The following SMYD3 variants were observed in gnomAD, a reference collection of about 807,000 sequenced individuals.
The protein encoded by SMYD3 is histone-lysine N-methyltransferase SMYD3.
SMYD3 carries 36 observed loss-of-function variants against 57.7 expected under a neutral mutation model. That is an observed-to-expected ratio of 0.62 (90% CI 0.48 to 0.82). The LOEUF is 0.82. SMYD3 is among the 40% of genes least tolerant of loss of function. The pLI, the probability that SMYD3 is intolerant of heterozygous loss-of-function variation, is 0.00. For synonymous variants in SMYD3, 211 were observed against 195.0 expected, an observed-to-expected ratio of 1.08 and a Z score of -0.68; for missense variants, 515 against 538.8, an observed-to-expected ratio of 0.96 and a Z score of 0.44.
chr1:246,266,458 G>A (rs2064109334), intron 5 of SMYD3, among the ~76,000 whole-genome samples: 2 of 152,058 alleles, frequency 1.3e-5, no homozygotes, highest in Admixed American at 1.3e-4. Flanking sequence ...TGCCGATAGT[G>A]AAGTCTTATT....
intron 5 of SMYD3, among the ~76,000 whole-genome samples, chr1:246,046,394 A>C (rs2059964868): frequency 6.6e-6 from 1 of 152,042 alleles, no homozygotes; most frequent in Non-Finnish European, 1.5e-5. Flanking sequence ...CAAACACAGC[A>C]TGTTCTCACT....
chr1:245,967,862 A>T (rs918674167), intron 5 of SMYD3, among the ~76,000 whole-genome samples: 1 of 152,244 alleles, frequency 6.6e-6, no homozygotes, highest in Non-Finnish European at 1.5e-5. Flanking sequence ...GGCAACAGGC[A>T]GGAGAGTGGC....
chr1:246,300,704 C>G (rs558680755), intron 5 of SMYD3, among the ~76,000 whole-genome samples: 1 of 152,114 alleles, frequency 6.6e-6, no homozygotes, highest in South Asian at 2.1e-4. Context: ...AGTCTTGTCT[C>G]CTGGAATACA....
At chr1:245,853,773 A>C (rs556964513) in intron 10 of SMYD3, among the ~76,000 whole-genome samples, 2 of 152,334 alleles carry the variant, frequency 1.3e-5, no homozygotes, top group East Asian at 3.9e-4. Flanking sequence ...CTGCTATGTA[A>C]TTAACTGACA....
intron 10 of SMYD3, among the ~76,000 whole-genome samples, chr1:245,842,208 T>C (rs894130726): frequency 6.6e-6 from 1 of 152,210 alleles, no homozygotes; most frequent in Non-Finnish European, 1.5e-5. Flanking sequence ...TGCATGACTA[T>C]ATTCAGAAAA....
chr1:246,201,205 G>A (rs2062918715), intron 5 of SMYD3, among the ~76,000 whole-genome samples: 1 of 152,136 alleles, frequency 6.6e-6, no homozygotes, highest in Non-Finnish European at 1.5e-5. Flanking sequence ...CTCTAAGTAA[G>A]TCTATCAGTC....
intron 11 of SMYD3, among the ~76,000 whole-genome samples, chr1:245,758,604 G>A (rs2045708888): frequency 6.6e-6 from 1 of 151,904 alleles, no homozygotes; most frequent in South Asian, 2.1e-4. Flanking sequence ...CTGTTGTGGA[G>A]CTCCCTTCTG....
chr1:246,416,614 TAAAG>T (rs2067066018), intron 1 of SMYD3, among the ~76,000 whole-genome samples: 1 of 141,034 alleles, frequency 7.1e-6, no homozygotes, highest in Non-Finnish European at 1.6e-5. Flanking sequence ...AGGGGGAAAA[TAAAG>T]AATTCATTTT....
At chr1:246,233,921 A>G (rs12749462) in intron 5 of SMYD3, among the ~76,000 whole-genome samples, 6,482 of 104,396 alleles carry the variant, frequency 0.062, 138 homozygotes, top group East Asian at 0.22. Context: ...CAGAGGAGAA[A>G]CGCTCCTTCA....
intron 1 of SMYD3, among the ~76,000 whole-genome samples, chr1:246,390,832 G>A (rs1156269028): frequency 6.6e-6 from 1 of 151,972 alleles, no homozygotes; most frequent in Non-Finnish European, 1.5e-5. Context: ...TACTGCAGTG[G>A]GCAGTACAGC....
At chr1:246,198,755 A>G (rs1303272473) in intron 5 of SMYD3, among the ~76,000 whole-genome samples, 1 of 152,216 alleles carries the variant, frequency 6.6e-6, no homozygotes, top group Non-Finnish European at 1.5e-5. Flanking sequence ...ATGAACAATC[A>G]AAGGTCACGA....
At chr1:245,912,734 G>A (rs1572667170) in intron 8 of SMYD3, among the ~76,000 whole-genome samples, 1 of 152,172 alleles carries the variant, frequency 6.6e-6, no homozygotes, top group South Asian at 2.1e-4. Context: ...GTCAACAAAG[G>A]CACCAAGAAC....
At chr1:246,344,805 T>A (rs1173605743) in intron 2 of SMYD3, among the ~76,000 whole-genome samples, 4 of 152,208 alleles carry the variant, frequency 2.6e-5, no homozygotes, top group Non-Finnish European at 5.9e-5. Context: ...TGGTTTTAAT[T>A]TTCATTTATC....
At chr1:245,865,173 C>T (rs964690220) in intron 8 of SMYD3, among the ~76,000 whole-genome samples, 5 of 152,220 alleles carry the variant, frequency 3.3e-5, no homozygotes, top group African/African-American at 9.6e-5. Context: ...TTACTGATAT[C>T]GTCTTATCTT....
chr1:245,902,677 A>T (rs12092900), intron 8 of SMYD3, among the ~76,000 whole-genome samples: 2,720 of 152,322 alleles, frequency 0.018, 43 homozygotes, highest in African/African-American at 0.043. Flanking sequence ...TCCCCAGCAA[A>T]GGTTGCCCAA....
At chr1:246,100,867 A>G (rs1394994332) in intron 5 of SMYD3, among the ~76,000 whole-genome samples, 1 of 152,106 alleles carries the variant, frequency 6.6e-6, no homozygotes, top group African/African-American at 2.4e-5. Flanking sequence ...CATGAGGAGG[A>G]TATTATCATG....
intron 1 of SMYD3, among the ~76,000 whole-genome samples, chr1:246,408,620 G>T (rs2066907264): frequency 6.8e-6 from 1 of 146,476 alleles, no homozygotes; most frequent in African/African-American, 2.5e-5. Flanking sequence ...TCTCCATCAA[G>T]TTCTGGCCTC....
In SMYD3 at chr1:246,203,922, A is replaced by G. The variant is rs1389131017; in HGVS notation, c.531+123279T>C. Among the ~76,000 whole-genome samples the G allele has an allele frequency of 6.6e-6, 1 of 152,100 alleles. No individual in the cohort carries two copies. The highest frequency in any genetic ancestry group is 2.4e-5 in the African/African-American group (1 of 41,412). On this transcript the variant is annotated intron_variant, in intron 5 of 11. Transcript: ENST00000490107. This position sits in a 1 kb window ranked among gnomAD's most constrained non-coding sequence, Gnocchi z 4.6. ...CCCATCACTGCCAAGATGTGAAAAT[A>G]CCCTAAACTAGAAGTCTCAAACTCA...
chr1:245,812,558 G>A (rs1227006711), intron 10 of SMYD3, among the ~76,000 whole-genome samples: 1 of 152,154 alleles, frequency 6.6e-6, no homozygotes, highest in Non-Finnish European at 1.5e-5. Context: ...GAAACCCTAA[G>A]AGAGGGAGGG....
Sources: allele counts gnomAD v4.1 joint callset (sites outside exome capture counted in the v4.1 genomes callset), GRCh38; gene constraint gnomAD v4.1.1; non-coding constraint Gnocchi (gnomAD v3.1); transcripts MANE v1.5; gene names NCBI Gene and HGNC (gene_info 2026-07-23, HGNC 2026-07-21).